EBI3: variants seen among roughly 807,000 people sequenced by gnomAD.
EBI3 encodes the protein interleukin-27 subunit beta.
A neutral mutation model predicts 21.3 loss-of-function variants in EBI3; 19 were observed. That is an observed-to-expected ratio of 0.89 (90% CI 0.62 to 1.31). The LOEUF (loss-of-function observed/expected upper bound fraction) is 1.31, where lower values mean the gene tolerates loss of function less well. Among genes scored for constraint, EBI3 ranks in the 50% most tolerant of loss-of-function variants. The pLI, the probability that EBI3 is intolerant of heterozygous loss-of-function variation, is 0.00. For missense variants in EBI3, 331 were observed against 314.0 expected, an observed-to-expected ratio of 1.05 and a Z score of -0.41; for synonymous variants, 154 against 131.2, an observed-to-expected ratio of 1.17 and a Z score of -1.19.
chr19:4,229,687 A>G (rs1970765414), intron 1 of EBI3, 70 bp downstream of exon 1: 5 of 1,467,346 alleles, frequency 3.4e-6, no homozygotes, highest in African/African-American at 1.4e-5. Context: ...GCCTCGGATC[A>G]TGTCTGGGGT....
intron 2 of EBI3, among the ~76,000 whole-genome samples, chr19:4,232,544 C>A (rs904540910): frequency 5.7e-4 from 66 of 115,818 alleles, no homozygotes; most frequent in African/African-American, 2.8e-3. Context: ...ATACTGAGAC[C>A]CCCCCCCATC....
At position 4,229,583 on chromosome 19, in the gene EBI3, C is replaced by T; in HGVS notation, c.33C>T (p.Leu11=). The T allele has an allele frequency of 6.2e-7, 1 of 1,610,978 alleles. No homozygotes were observed. The highest frequency in any genetic ancestry group is 8.5e-7 in the Non-Finnish European group (1 of 1,178,882). The change falls in exon 1 of 5, where the codon CTC becomes CTT. Residue 11 remains leucine (L), a synonymous_variant. Transcript: ENST00000221847. The part of the protein sequence containing the change: MTPQLLLALV[L]WASCPPCSGR... ...CGCAGCTTCTCCTGGCCCTTGTCCTCTGGGCCAGCTGCCCGCCCTGCAGTG... is the reference window on the plus strand; with the variant it reads ...CGCAGCTTCTCCTGGCCCTTGTCCTTTGGGCCAGCTGCCCGCCCTGCAGTG...
In EBI3 at chr19:4,231,233, C is replaced by A; in HGVS notation, c.110C>A (p.Ala37Asp). ...ACACTGCCCCGGGTGCAATGCCGAG[C>A]CTCTCGGTACCCGATCGCCGTGGAT... ...ALTLPRVQCR[A>D]SRYPIAVDCS... Residue 37 changes from alanine (A) to aspartate (D), a missense_variant, in exon 2 of 5, where the codon GCC becomes GAC. Coordinates refer to ENST00000221847, the MANE Select transcript of EBI3 (RefSeq NM_005755.3). 1 of 1,611,648 alleles carries A rather than the reference C, an allele frequency of 6.2e-7. No individual in the cohort carries two copies. Among genetic ancestry groups the A allele is most frequent in the Non-Finnish European group, 8.5e-7 (1 of 1,179,238 alleles).
In EBI3 at chr19:4,231,180, T is replaced by G; in HGVS notation, c.68-11T>G. Reference sequence around the variant, plus strand: ...GTAAACCAGAAGCTCACTCTTTCTGTCTTCCTCCAGGGCCCCCAGCAGCTC... The same window carrying G: ...GTAAACCAGAAGCTCACTCTTTCTGGCTTCCTCCAGGGCCCCCAGCAGCTC... On this transcript the variant is annotated splice_polypyrimidine_tract_variant and intron_variant, in intron 1 of 4. Coordinates refer to ENST00000221847, the MANE Select transcript of EBI3 (RefSeq NM_005755.3). 6.4e-7 allele frequency: 1 copy of G among 1,567,054 alleles called. No homozygotes were observed. The highest frequency in any genetic ancestry group is 8.6e-7 in the Non-Finnish European group (1 of 1,159,400).
chr19:4,233,052 C>T (rs932533336), intron 2 of EBI3, 77 bp from the exon 3 acceptor site: 72 of 1,400,432 alleles, frequency 5.1e-5, no homozygotes, highest in Middle Eastern at 2.6e-4. Context: ...CTTGGGGTCC[C>T]GGGTCAGGCC....
intron 3 of EBI3, 42 bp from the exon 4 acceptor site, chr19:4,234,625 G>T: frequency 6.3e-7 from 1 of 1,583,390 alleles, no homozygotes. Flanking sequence ...ATGAATGACT[G>T]GACTTACTGT....
chr19:4,236,877 GCA>G, intron 4 of EBI3, 57 bp from the exon 5 acceptor site: 1 of 1,452,782 alleles, frequency 6.9e-7, no homozygotes, highest in South Asian at 1.5e-5. Flanking sequence ...GTGGTTCTGT[GCA>G]CAGTGGCCCC....
intron 2 of EBI3, among the ~76,000 whole-genome samples, chr19:4,231,898 T>C (rs1970786734): frequency 6.6e-6 from 1 of 150,632 alleles, no homozygotes; most frequent in Admixed American, 6.6e-5. Flanking sequence ...TTGGGCAAAA[T>C]AGTGAGACCC....
At chr19:4,232,813 A>G (rs1408181753) in intron 2 of EBI3, among the ~76,000 whole-genome samples, 7 of 82,744 alleles carry the variant, frequency 8.5e-5, no homozygotes, top group Non-Finnish European at 1.4e-4. Flanking sequence ...TGAATGAATG[A>G]ACGGATGAAT....
intron 3 of EBI3, 25 bp downstream of exon 3, chr19:4,233,332 GGGGGC>G: frequency 6.4e-7 from 1 of 1,551,352 alleles, no homozygotes; most frequent in Non-Finnish European, 8.7e-7. Context: ...CAGTGGGGGC[GGGGGC>G]GGGGCTGCCG....
chr19:4,232,196 C>G (rs1335414623), intron 2 of EBI3, among the ~76,000 whole-genome samples: 1 of 118,704 alleles, frequency 8.4e-6, no homozygotes, highest in East Asian at 2.6e-4. Flanking sequence ...TGCACTGCAT[C>G]CTGGTGATAG....
chr19:4,230,777 G>C (rs1049185400), intron 1 of EBI3, among the ~76,000 whole-genome samples: 3 of 151,832 alleles, frequency 2.0e-5, no homozygotes, highest in Admixed American at 6.6e-5. Context: ...CCAGCTACTC[G>C]GGAGGCTAAG....
Position 4,234,924 on chromosome 19 carries a change from C to A in EBI3, c.537+100C>A, listed in dbSNP as rs577426745. 40 of 1,509,964 alleles carry A rather than the reference C, an allele frequency of 2.6e-5. 1 individual carries two copies. The South Asian group carries it at 4.8e-4, about 18-fold the overall frequency. 93.5% of individuals were successfully genotyped at this position (1,509,964 alleles called of 1,614,324 possible). ...GTGCTGGGCTCTTGCACATAGCTTG[C>A]GATTCCGGGTGCATTGAATAAGAGC... On this transcript the variant is annotated intron_variant, in intron 4 of 4. Coordinates refer to ENST00000221847, the MANE Select transcript of EBI3 (RefSeq NM_005755.3).
intron 4 of EBI3, among the ~76,000 whole-genome samples, chr19:4,236,525 A>AAAAAAAAAAAAAAC (rs1970839410): frequency 6.8e-6 from 1 of 146,064 alleles, no homozygotes; most frequent in Non-Finnish European, 1.5e-5. Context: ...TCTCAAAAAA[A>AAAAAAAAAAAAAAC]AAAAAAAAAA....
intron 1 of EBI3, among the ~76,000 whole-genome samples, chr19:4,230,399 C>T (rs936094307): frequency 2.0e-5 from 3 of 151,600 alleles, no homozygotes; most frequent in African/African-American, 7.3e-5. Context: ...CGGACCCCAC[C>T]AATCTGTACA....
chr19:4,234,623 C>T, intron 3 of EBI3, 44 bp from the exon 4 acceptor site: 2 of 1,580,924 alleles, frequency 1.3e-6, no homozygotes, highest in Non-Finnish European at 1.7e-6. Flanking sequence ...GAATGAATGA[C>T]TGGACTTACT....
chr19:4,232,123 G>T (rs1389866405), intron 2 of EBI3, among the ~76,000 whole-genome samples: 2 of 150,814 alleles, frequency 1.3e-5, no homozygotes, highest in African/African-American at 4.9e-5. Flanking sequence ...TACTCGGGAG[G>T]CTGAGGCAGG....
chr19:4,233,925 C>G (rs558312040), intron 3 of EBI3, among the ~76,000 whole-genome samples: 1 of 152,296 alleles, frequency 6.6e-6, no homozygotes, highest in Admixed American at 6.5e-5. Flanking sequence ...CAAGCTCTGG[C>G]TAGGCTCAGT....
chr19:4,231,356 C>T, intron 2 of EBI3, 33 bp downstream of exon 2: 2 of 1,573,738 alleles, frequency 1.3e-6, no homozygotes, highest in Non-Finnish European at 1.7e-6. Context: ...CTCAGGGACA[C>T]TGGACTTCCT....
Sources: gnomAD v4.1 joint callset for allele counts (sites outside exome capture counted in the v4.1 genomes callset) on GRCh38, gnomAD v4.1.1 for gene constraint, MANE v1.5 for transcripts, NCBI Gene and HGNC (gene_info 2026-07-23, HGNC 2026-07-21) for gene names.